Variants in NDST4 observed in about 807,000 individuals in gnomAD.
NDST4 encodes N-deacetylase and N-sulfotransferase 4, also known as N-heparan sulfate sulfotransferase 4.
In NDST4, 63 loss-of-function variants were observed where a neutral mutation model predicts 100.8. That is an observed-to-expected ratio of 0.62 (90% CI 0.51 to 0.77). The LOEUF is 0.77. Among genes scored for constraint, NDST4 ranks in the 30% least tolerant of loss-of-function variants. The probability of loss-of-function intolerance (pLI) is 0.00; values close to 1 mark genes in which losing one functional copy is unlikely to be tolerated. For missense variants in NDST4, 943 were observed against 1,018.4 expected, an observed-to-expected ratio of 0.93 and a Z score of 1.01; for synonymous variants, 377 against 361.8, an observed-to-expected ratio of 1.04 and a Z score of -0.48.
chr4:114,911,503 T>C (rs1471748618), intron 6 of NDST4, among the ~76,000 whole-genome samples: 1 of 152,186 alleles, frequency 6.6e-6, no homozygotes, highest in African/African-American at 2.4e-5. Flanking sequence ...CCTTATAATA[T>C]AATCTCATGA....
intron 4 of NDST4, among the ~76,000 whole-genome samples, chr4:114,940,837 T>A (rs1205489014): frequency 6.6e-6 from 1 of 152,180 alleles, no homozygotes; most frequent in Non-Finnish European, 1.5e-5. Context: ...GAAGTCAAGC[T>A]GCTACCCTCT....
At chr4:115,073,761 C>T (rs1729125888) in intron 2 of NDST4, among the ~76,000 whole-genome samples, 3 of 151,900 alleles carry the variant, frequency 2.0e-5, no homozygotes, top group Middle Eastern at 3.4e-3. Context: ...AACAATATAT[C>T]ATATTCTTGA....
Position 115,072,789 on chromosome 4 carries a change from A to G in NDST4, c.978+3270T>C, listed in dbSNP as rs1729103499. Among the ~76,000 whole-genome samples, 5 of 152,118 alleles carry G rather than the reference A, an allele frequency of 3.3e-5. 1 individual carries two copies. The Middle Eastern group carries it at 0.017, about 517-fold the overall frequency. ...ATGTTGGTCTGGGCAAGATTTTTAG[A>G]TATGACCCAAAAACACAAGCAACAA... is the stretch of plus-strand genomic sequence containing the variant. On this transcript the variant is annotated intron_variant, in intron 2 of 13. Transcript: ENST00000264363.
rs1190247983 is a variant in NDST4, at chr4:114,947,487, T to C, written c.1222-9984A>G. On this transcript the variant is annotated intron_variant, in intron 4 of 13. Transcript: ENST00000264363. ...TGTGTTACATAGAGAGATGTTTTTA[T>C]ATTTAATTTAGAAGCAAGAGAAAAG... 2.0e-5 allele frequency among the ~76,000 whole-genome samples: 3 copies of C among 152,296 alleles called. No homozygotes were observed. In the East Asian group the frequency reaches 5.8e-4, roughly 29 times the overall value.
At chr4:114,992,275 C>G (rs1376095737) in intron 2 of NDST4, among the ~76,000 whole-genome samples, 1 of 151,660 alleles carries the variant, frequency 6.6e-6, no homozygotes, top group African/African-American at 2.4e-5. Context: ...TTAAAGGTAT[C>G]TTAATTTTTT....
intron 2 of NDST4, among the ~76,000 whole-genome samples, chr4:115,044,526 T>C (rs1167996060): frequency 6.6e-6 from 1 of 152,090 alleles, no homozygotes; most frequent in African/African-American, 2.4e-5. Flanking sequence ...CTGAAGCCCA[T>C]GGCAAGGCTA....
At chr4:114,997,423 A>G (rs1252186769) in intron 2 of NDST4, among the ~76,000 whole-genome samples, 1 of 152,118 alleles carries the variant, frequency 6.6e-6, no homozygotes, top group African/African-American at 2.4e-5. Flanking sequence ...TAATATTATC[A>G]AAAATTCATA....
chr4:114,833,532 T>C, intron 12 of NDST4, 74 bp downstream of exon 12: 1 of 931,058 alleles, frequency 1.1e-6, no homozygotes, highest in Non-Finnish European at 1.8e-6. Context: ...TTAATGATGT[T>C]ATATACACAC....
intron 6 of NDST4, among the ~76,000 whole-genome samples, chr4:114,876,320 G>A (rs903303562): frequency 1.3e-5 from 2 of 152,128 alleles, no homozygotes; most frequent in Admixed American, 6.6e-5. Flanking sequence ...TATTGATTAT[G>A]CTTTTAGTTC....
At chr4:115,036,786 A>C (rs1728241540) in intron 2 of NDST4, among the ~76,000 whole-genome samples, 1 of 151,976 alleles carries the variant, frequency 6.6e-6, no homozygotes, top group Admixed American at 6.6e-5. Context: ...TATTAAAATG[A>C]AATCATTATT....
chr4:114,839,481 T>C lies in NDST4; in HGVS notation c.2183A>G (p.His728Arg). 1 of 1,614,020 alleles carries C rather than the reference T, an allele frequency of 6.2e-7. No homozygotes were observed. Among genetic ancestry groups the C allele is most frequent in the Non-Finnish European group, 8.5e-7 (1 of 1,179,936 alleles). Residue 728 changes from histidine to arginine, a missense_variant, in exon 11 of 14, where the codon CAT becomes CGT. By Grantham distance (29) the His-to-Arg change is conservative. Transcript: ENST00000264363. ...AGTTTTTAAGTCAGATGGAGCCCAA[T>C]GTCCTGTTGAAATAACTTCATAGAA... ...FNFYEVISTG[H>R]WAPSDLKTLQ...
chr4:115,094,929 G>A (rs1729591097), intron 1 of NDST4, among the ~76,000 whole-genome samples: 1 of 152,106 alleles, frequency 6.6e-6, no homozygotes, highest in South Asian at 2.1e-4. Context: ...TGTTGTTTAA[G>A]GCACTCAGGT....
chr4:114,922,961 C>G (rs1725319118), intron 6 of NDST4, among the ~76,000 whole-genome samples: 1 of 152,076 alleles, frequency 6.6e-6, no homozygotes, highest in Non-Finnish European at 1.5e-5. Context: ...CATGATCAGG[C>G]TCAGGGGATG....
chr4:114,968,473 CGTCTAGAGCAG>C (rs1726433320), intron 4 of NDST4, among the ~76,000 whole-genome samples: 1 of 152,096 alleles, frequency 6.6e-6, no homozygotes, highest in African/African-American at 2.4e-5. Flanking sequence ...GCTTAATTAA[CGTCTAGAGCAG>C]GGATGAGCAA....
At chr4:115,060,449 A>C (rs1021979676) in intron 2 of NDST4, among the ~76,000 whole-genome samples, 4 of 152,180 alleles carry the variant, frequency 2.6e-5, no homozygotes, top group African/African-American at 7.2e-5. Flanking sequence ...TAAGTAAACT[A>C]TTACTGATAA....
chr4:115,082,716 A>G (rs1729327563), intron 1 of NDST4, among the ~76,000 whole-genome samples: 1 of 152,216 alleles, frequency 6.6e-6, no homozygotes, highest in Non-Finnish European at 1.5e-5. Context: ...TAAAATTTAG[A>G]AGGTTTAAGA....
intron 2 of NDST4, among the ~76,000 whole-genome samples, chr4:115,036,151 C>A (rs1169481141): frequency 1.3e-5 from 2 of 151,560 alleles, no homozygotes; most frequent in Admixed American, 1.3e-4. Context: ...TAGCAAAAGC[C>A]TAACTTCTCA....
chr4:114,877,246 A>G (rs1724274558), intron 6 of NDST4, among the ~76,000 whole-genome samples: 1 of 152,200 alleles, frequency 6.6e-6, no homozygotes, highest in African/African-American at 2.4e-5. Flanking sequence ...TTTTATTTAT[A>G]ACAACCCTAT....
chr4:114,832,035 T>C (rs945482367), intron 12 of NDST4, among the ~76,000 whole-genome samples: 6 of 152,216 alleles, frequency 3.9e-5, no homozygotes, highest in African/African-American at 1.2e-4. Flanking sequence ...CGACATATTT[T>C]GTACTTGTTT....
Sources: gnomAD v4.1 joint callset for allele counts (sites outside exome capture counted in the v4.1 genomes callset) on GRCh38, gnomAD v4.1.1 for gene constraint, MANE v1.5 for transcripts, NCBI Gene and HGNC (gene_info 2026-07-23, HGNC 2026-07-21) for gene names.